Variants in ULK4 observed in about 807,000 individuals in gnomAD.
ULK4 encodes the protein inactive serine/threonine-protein kinase ULK4.
Under a neutral mutation model 160.6 loss-of-function variants are expected in ULK4, and 133 were observed. That is an observed-to-expected ratio of 0.83 (90% CI 0.72 to 0.96). ULK4 has a LOEUF of 0.96. Among genes scored for constraint, ULK4 ranks in the 40% least tolerant of loss-of-function variants. The pLI is 0.00. For synonymous variants in ULK4, 534 were observed against 539.8 expected, an observed-to-expected ratio of 0.99 and a Z score of 0.15; for missense variants, 1,580 against 1,499.5, an observed-to-expected ratio of 1.05 and a Z score of -0.89.
At chr3:41,416,930 T>C (rs994594991) in intron 34 of ULK4, among the ~76,000 whole-genome samples, 1 of 152,182 alleles carries the variant, frequency 6.6e-6, no homozygotes, top group Non-Finnish European at 1.5e-5. Context: ...GACACCCTGA[T>C]GGGCATCCTC....
intron 22 of ULK4, among the ~76,000 whole-genome samples, chr3:41,736,400 G>A (rs2038050550): frequency 6.6e-6 from 1 of 151,852 alleles, no homozygotes; most frequent in Non-Finnish European, 1.5e-5. Flanking sequence ...GGTGTGAGAT[G>A]GTATCTCACT....
At chr3:41,774,937 C>G (rs367837210) in intron 21 of ULK4, among the ~76,000 whole-genome samples, 8,768 of 150,146 alleles carry the variant, frequency 0.058, 815 homozygotes, top group East Asian at 0.17. Flanking sequence ...ATGGATGAAG[C>G]TGGAAACCAT....
At chr3:41,350,298 A>C (rs1339089725) in intron 35 of ULK4, among the ~76,000 whole-genome samples, 2 of 152,190 alleles carry the variant, frequency 1.3e-5, no homozygotes, top group Admixed American at 1.3e-4. Context: ...GTAGGACAAA[A>C]GTTATGGATC....
intron 25 of ULK4, among the ~76,000 whole-genome samples, chr3:41,707,199 T>C (rs1189744159): frequency 1.3e-5 from 2 of 152,114 alleles, no homozygotes; most frequent in African/African-American, 4.8e-5. Context: ...CTATACATAG[T>C]TCATACAAAC....
chr3:41,661,496 G>T (rs1370764785), intron 30 of ULK4, among the ~76,000 whole-genome samples: 1 of 135,070 alleles, frequency 7.4e-6, no homozygotes, highest in Non-Finnish European at 1.5e-5. Context: ...CAGATAGACA[G>T]ATAGATAGAT....
chr3:41,776,322 T>C (rs1225556295), intron 21 of ULK4, among the ~76,000 whole-genome samples: 1 of 150,838 alleles, frequency 6.6e-6, no homozygotes, highest in Admixed American at 6.6e-5. Flanking sequence ...ATATCCTGGA[T>C]ACTAATCATT....
intron 21 of ULK4, among the ~76,000 whole-genome samples, chr3:41,759,901 C>CA (rs1378732960): frequency 6.6e-6 from 1 of 152,068 alleles, no homozygotes; most frequent in Non-Finnish European, 1.5e-5. Context: ...CATCCACATG[C>CA]AAAAATGTTA....
At chr3:41,428,708 G>A (rs1480065731) in intron 34 of ULK4, among the ~76,000 whole-genome samples, 1 of 152,114 alleles carries the variant, frequency 6.6e-6, no homozygotes, top group Non-Finnish European at 1.5e-5. Flanking sequence ...GGGAAAACTG[G>A]CTAGTCATAT....
At chr3:41,552,222 A>C (rs868734589) in intron 32 of ULK4, among the ~76,000 whole-genome samples, 1 of 152,080 alleles carries the variant, frequency 6.6e-6, no homozygotes, top group African/African-American at 2.4e-5. Context: ...GCCCACTTTC[A>C]CCACTCCTAT....
At chr3:41,841,367 A>T (rs2041922304) in intron 17 of ULK4, among the ~76,000 whole-genome samples, 1 of 147,496 alleles carries the variant, frequency 6.8e-6, no homozygotes, top group African/African-American at 2.6e-5. Context: ...GGAAGTGAGG[A>T]GCGCCTCTGC....
chr3:41,484,407 A>T (rs1438312940), intron 32 of ULK4, among the ~76,000 whole-genome samples: 1 of 151,248 alleles, frequency 6.6e-6, no homozygotes, highest in Non-Finnish European at 1.5e-5. Flanking sequence ...GGAGATATAC[A>T]TCCTGGTCTC....
intron 19 of ULK4, among the ~76,000 whole-genome samples, chr3:41,805,172 C>G (rs549923266): frequency 4.1e-4 from 62 of 152,228 alleles, no homozygotes; most frequent in African/African-American, 1.1e-3. Context: ...GCATTGGTTT[C>G]TAGTTCTCCT....
rs202044928 is a variant in ULK4, at chr3:41,715,532, C to G, written c.2492G>C (p.Arg831Pro). The G allele has an allele frequency of 6.2e-7, 1 of 1,614,026 alleles. No homozygotes were observed. Among genetic ancestry groups the G allele is most frequent in the South Asian group, 1.1e-5 (1 of 91,074 alleles). The change falls in exon 24 of 37, where the codon CGT (arginine) becomes CCT (proline). Residue 831 changes from arginine (R) to proline (P), a missense_variant. Coordinates refer to ENST00000301831, the MANE Select transcript of ULK4 (RefSeq NM_017886.4). Reference protein sequence around the residue: ...ILNSLANVSGRKHPSTVQVKQ... With the variant: ...ILNSLANVSGPKHPSTVQVKQ... ...CACTTGAACTGTTGATGGGTGTTTA[C>G]GTCCAGAAACATTAGCCAAGGAGTT...
intron 29 of ULK4, among the ~76,000 whole-genome samples, chr3:41,672,262 C>T (rs749776670): frequency 6.6e-6 from 1 of 152,148 alleles, no homozygotes; most frequent in Non-Finnish European, 1.5e-5. Context: ...GAAACACATG[C>T]ACTCCCATGT....
At chr3:41,400,212 T>C (rs1030427501) in intron 34 of ULK4, among the ~76,000 whole-genome samples, 1 of 152,098 alleles carries the variant, frequency 6.6e-6, no homozygotes, top group Non-Finnish European at 1.5e-5. Flanking sequence ...TTTACTAATT[T>C]TATATCTTTT....
Position 41,455,527 on chromosome 3 carries a change from C to T in ULK4, c.3462G>A (p.Leu1154=), listed in dbSNP as rs762088192. The change falls in exon 34 of 37, where the codon CTG becomes CTA. Residue 1154 remains leucine (L), a synonymous_variant. Transcript: ENST00000301831. ...GAATGAGCAGGCTAATCAGGTCTGT[C>T]AGAGGTCTGTTGAGCAGCAGCAGGT... is the stretch of plus-strand genomic sequence containing the variant. ...AEDLLLLNRP[L]TDLISLLIPL... is the part of the protein sequence containing the mutation. 1.9e-6 allele frequency: 3 copies of T among 1,614,024 alleles called. No individual in the cohort carries two copies. In the South Asian group the frequency reaches 3.3e-5, roughly 18 times the overall value.
chr3:41,845,962 C>T (rs1291302069), intron 17 of ULK4, among the ~76,000 whole-genome samples: 4 of 152,198 alleles, frequency 2.6e-5, no homozygotes, highest in Non-Finnish European at 5.9e-5. Context: ...TTATAATCCA[C>T]TAGTATTTTG....
chr3:41,678,167 C>G (rs1053948220), intron 29 of ULK4, among the ~76,000 whole-genome samples: 4 of 141,498 alleles, frequency 2.8e-5, no homozygotes, highest in South Asian at 2.4e-4. Flanking sequence ...TAAAATAAAT[C>G]TTTATTTCAT....
At chr3:41,252,869 T>C (rs1180424612) in intron 35 of ULK4, among the ~76,000 whole-genome samples, 6 of 152,044 alleles carry the variant, frequency 3.9e-5, no homozygotes, top group African/African-American at 1.4e-4. Context: ...AAAATCAAAC[T>C]TGCTGAAGAC....
Sources: gnomAD v4.1 joint callset for allele counts (sites outside exome capture counted in the v4.1 genomes callset) on GRCh38, gnomAD v4.1.1 for gene constraint, MANE v1.5 for transcripts, NCBI Gene and HGNC (gene_info 2026-07-23, HGNC 2026-07-21) for gene names.